SCN1A: variants seen among roughly 807,000 people sequenced by gnomAD.
SCN1A encodes sodium voltage-gated channel alpha subunit 1, also known as sodium channel protein type 1 subunit alpha.
A neutral mutation model predicts 193.7 loss-of-function variants in SCN1A; 13 were observed. That is an observed-to-expected ratio of 0.07 (90% CI 0.04 to 0.11). The LOEUF is 0.11. SCN1A is among the 10% of genes least tolerant of loss of function. The probability of loss-of-function intolerance (pLI) is 1.00; values close to 1 mark genes in which losing one functional copy is unlikely to be tolerated. For synonymous variants in SCN1A, 781 were observed against 843.6 expected (o/e 0.93, Z 1.29); for missense variants, 1,432 against 2,451.1 (o/e 0.58, Z 8.78).
intron 19 of SCN1A, among the ~76,000 whole-genome samples, chr2:166,024,246 A>G (rs1375680841): frequency 6.6e-6 from 1 of 151,998 alleles, no homozygotes; most frequent in Non-Finnish European, 1.5e-5. Flanking sequence ...CAAACAAACA[A>G]ACAAATAAAT....
chr2:166,019,122 G>C (rs1421945994), intron 19 of SCN1A, among the ~76,000 whole-genome samples: 1 of 152,108 alleles, frequency 6.6e-6, no homozygotes, highest in Non-Finnish European at 1.5e-5. Context: ...CAAAGCCAAA[G>C]ATAGTCACAA....
chr2:166,018,931 T>C (rs1039441531), intron 19 of SCN1A, among the ~76,000 whole-genome samples: 1 of 152,162 alleles, frequency 6.6e-6, no homozygotes, highest in Non-Finnish European at 1.5e-5. Flanking sequence ...TGTATGATTG[T>C]ATGAACATTA....
intron 2 of SCN1A, among the ~76,000 whole-genome samples, chr2:166,079,237 G>A (rs1205212343): frequency 1.3e-5 from 2 of 150,556 alleles, no homozygotes; most frequent in Admixed American, 6.7e-5. Flanking sequence ...ATTTATTGTG[G>A]TTTCTGTCAT....
intron 5 of SCN1A, among the ~76,000 whole-genome samples, chr2:166,058,273 C>T (rs991804048): frequency 6.6e-5 from 10 of 152,002 alleles, no homozygotes; most frequent in African/African-American, 2.4e-4. Context: ...TAGAGGTAAA[C>T]ATGGTTATCT....
At chr2:166,105,304 A>T (rs771517732) in intron 2 of SCN1A, among the ~76,000 whole-genome samples, 1 of 152,236 alleles carries the variant, frequency 6.6e-6, no homozygotes, top group Non-Finnish European at 1.5e-5. Flanking sequence ...GAATTTGGTT[A>T]TTAACAGGGT....
upstream of SCN1A, among the ~76,000 whole-genome samples, chr2:166,131,428 T>C (rs1427699120): frequency 6.6e-6 from 1 of 151,640 alleles, no homozygotes; most frequent in Non-Finnish European, 1.5e-5. Flanking sequence ...TGGTTGTTAC[T>C]TTGTTATAGC....
chr2:166,019,614 C>G (rs1693740187), intron 19 of SCN1A, among the ~76,000 whole-genome samples: 1 of 152,118 alleles, frequency 6.6e-6, no homozygotes, highest in Non-Finnish European at 1.5e-5. Flanking sequence ...TTTTCTCAGT[C>G]AGATTCCAAA....
chr2:165,997,450 A>G (rs1690233707), intron 26 of SCN1A, among the ~76,000 whole-genome samples: 1 of 151,386 alleles, frequency 6.6e-6, no homozygotes, highest in South Asian at 2.1e-4. Context: ...CATATGTTCT[A>G]TAATGTACAT....
chr2:166,039,629 C>T, intron 16 of SCN1A, 33 bp from the exon 17 acceptor site: 1 of 1,563,590 alleles, frequency 6.4e-7, no homozygotes, highest in Non-Finnish European at 8.8e-7. Context: ...CTAATTCCAC[C>T]AGATAATAAC....
upstream of SCN1A, among the ~76,000 whole-genome samples, chr2:166,129,425 A>G (rs1006547265): frequency 6.6e-6 from 1 of 152,214 alleles, no homozygotes; most frequent in African/African-American, 2.4e-5. Flanking sequence ...TTTTATCTAT[A>G]AAAGAAAGAA....
Position 166,000,111 on chromosome 2 carries a change from A to G in SCN1A, c.4285-335T>C, listed in dbSNP as rs1044198098. ...TAGAAAGTCTTACAAATGCCAACACATGGGTCAATAGCTCTATCAGCCAAA... is the reference window on the plus strand; with the variant it reads ...TAGAAAGTCTTACAAATGCCAACACGTGGGTCAATAGCTCTATCAGCCAAA... On this transcript the variant is annotated intron_variant, in intron 24 of 28. Coordinates refer to ENST00000674923, the MANE Select transcript of SCN1A (RefSeq NM_001165963.4). 6.6e-5 allele frequency: 22 copies of G among 332,582 alleles called. No homozygotes were observed. The East Asian group carries it at 1.0e-3, about 16-fold the overall frequency. 20.6% of individuals were successfully genotyped at this position (332,582 alleles called of 1,614,324 possible). A position where few individuals can be genotyped will look rare whatever the true frequency, so the allele number is the denominator to read the frequency against.
At position 166,041,739 on chromosome 2, in the gene SCN1A, T is replaced by C. The variant is rs6731591; in HGVS notation, c.2177-270A>G. 0.19 allele frequency among the ~76,000 whole-genome samples: 29,161 copies of C among 152,028 alleles called. 2,978 individuals are homozygous for C. Among genetic ancestry groups the C allele is most frequent in the East Asian group, 0.27 (1,386 of 5,162 alleles). ...AGCACTTGGCCTCAAGTTAAATGAG[T>C]GGTCTTTCATGTGACGTCTCAATGG... On this transcript the variant is annotated intron_variant, in intron 15 of 28. Coordinates refer to ENST00000674923, the MANE Select transcript of SCN1A (RefSeq NM_001165963.4).
At chr2:166,133,236 C>G (rs866009115) in intron 1 of SCN1A, among the ~76,000 whole-genome samples, 2 of 152,056 alleles carry the variant, frequency 1.3e-5, no homozygotes, top group Non-Finnish European at 2.9e-5. Context: ...TCCCTGCTAT[C>G]GAGACAACGC....
Position 166,096,738 on chromosome 2 carries a change from A to G in SCN1A, c.-141-18937T>C, listed in dbSNP as rs192878482. On this transcript the variant is annotated intron_variant, in intron 2 of 28. Coordinates refer to ENST00000674923, the MANE Select transcript of SCN1A (RefSeq NM_001165963.4). Reference sequence around the variant, plus strand: ...CATTGATCTGACAATTTCTTTTCACAAGGTCATAGTAATTTTATTCTATGC... The same window carrying G: ...CATTGATCTGACAATTTCTTTTCACGAGGTCATAGTAATTTTATTCTATGC... Among the ~76,000 whole-genome samples the G allele has an allele frequency of 1.6e-3, 238 of 152,322 alleles. 2 individuals carry two copies. Among genetic ancestry groups the G allele is most frequent in the South Asian group, 0.011 (54 of 4,826 alleles).
intron 2 of SCN1A, among the ~76,000 whole-genome samples, chr2:166,122,634 G>T (rs1323513056): frequency 6.6e-6 from 1 of 152,060 alleles, no homozygotes; most frequent in Non-Finnish European, 1.5e-5. Context: ...GGAAAGAATT[G>T]TCTTTTCAAC....
chr2:166,081,290 T>C (rs1685494281), intron 2 of SCN1A, among the ~76,000 whole-genome samples: 1 of 151,974 alleles, frequency 6.6e-6, no homozygotes, highest in Admixed American at 6.6e-5. Flanking sequence ...AATGAAGTAT[T>C]TCATTTTCCC....
chr2:166,031,705 A>T (rs1695584142), intron 19 of SCN1A, among the ~76,000 whole-genome samples: 1 of 152,132 alleles, frequency 6.6e-6, no homozygotes, highest in Non-Finnish European at 1.5e-5. Flanking sequence ...TGCAACTGGT[A>T]ACAATAATAA....
chr2:166,146,724 T>C (rs1174713071), intron 1 of SCN1A, among the ~76,000 whole-genome samples: 2 of 152,176 alleles, frequency 1.3e-5, no homozygotes, highest in East Asian at 3.8e-4. Flanking sequence ...ATGTGCCAAA[T>C]CACACAGTGA....
At chr2:166,058,274 A>C (rs1364427038) in intron 5 of SCN1A, among the ~76,000 whole-genome samples, 7 of 152,092 alleles carry the variant, frequency 4.6e-5, no homozygotes, top group South Asian at 2.1e-4. Flanking sequence ...AGAGGTAAAC[A>C]TGGTTATCTT....
Sources: gnomAD v4.1 joint callset for allele counts (sites outside exome capture counted in the v4.1 genomes callset) on GRCh38, gnomAD v4.1.1 for gene constraint, MANE v1.5 for transcripts, NCBI Gene and HGNC (gene_info 2026-07-23, HGNC 2026-07-21) for gene names.